HABP4: variants seen among roughly 807,000 people sequenced by gnomAD.
The protein encoded by HABP4 is intracellular hyaluronan-binding protein 4.
Under a neutral mutation model 44.1 loss-of-function variants are expected in HABP4, and 32 were observed. The ratio of observed to expected loss-of-function variants is 0.73; its 90% CI spans 0.55 to 0.97. The LOEUF is 0.97. Among genes scored for constraint, HABP4 ranks in the 50% least tolerant of loss-of-function variants. The pLI is 0.00. For missense variants in HABP4, 503 were observed against 561.9 expected (o/e 0.90, Z 1.06); for synonymous variants, 216 against 218.0 (o/e 0.99, Z 0.08).
chr9:96,479,150 G>C (rs1832834016), intron 5 of HABP4, among the ~76,000 whole-genome samples: 2 of 152,294 alleles, frequency 1.3e-5, no homozygotes, highest in African/African-American at 2.4e-5. Context: ...TCGAAGTTAA[G>C]ATATGGGATT....
chr9:96,458,540 A>T lies in HABP4; in HGVS notation c.511A>T (p.Lys171Ter). ...DFTAEKFPDE[K>*]PGDRFDRDRP... is the part of the protein sequence containing the mutation. ...CACAGCTGAGAAGTTTCCAGATGAA[A>T]AGTATGTGCTGCAGTCCTCAGCAGG... The change falls in exon 2 of 8, where the codon AAA (lysine) becomes TAA (stop). Residue 171 changes from lysine to a stop codon, truncating the protein, a stop_gained and splice_region_variant. Transcript: ENST00000375249. LOFTEE classifies it high-confidence loss of function. The T allele has an allele frequency of 6.2e-7, 1 of 1,610,574 alleles. No homozygotes were observed. The highest frequency in any genetic ancestry group is 1.1e-5 in the South Asian group (1 of 90,988).
At position 96,488,181 on chromosome 9, in the gene HABP4, C is replaced by T. The variant is rs7030316; in HGVS notation, c.1092C>T (p.Leu364=). 0.18 allele frequency: 297,230 copies of T among 1,612,868 alleles called. 30,807 individuals are homozygous for T. Among genetic ancestry groups the T allele is most frequent in the African/African-American group, 0.41 (30,872 of 74,904 alleles). ...TSQLEINFGN[L]PRPGRGARGG... ...AGCTGGAGATTAATTTTGGTAACCT[C>T]CCTCGTCCTGGGCGTGGAGCCAGAG... Residue 364 remains leucine, a synonymous_variant, in exon 7 of 8, where the codon CTC becomes CTT. Transcript: ENST00000375249. The surrounding 1 kb of genome is among the most constrained non-coding windows in gnomAD (Gnocchi z 4.6).
intron 6 of HABP4, among the ~76,000 whole-genome samples, chr9:96,486,813 G>C (rs1832983679): frequency 6.6e-6 from 1 of 151,912 alleles, no homozygotes; most frequent in Admixed American, 6.6e-5. Flanking sequence ...AAAGCACTTG[G>C]GCCAGGGCCA....
Position 96,490,217 on chromosome 9 carries a change from A to G in HABP4, c.*179A>G, listed in dbSNP as rs375851121. 2.7e-5 allele frequency: 16 copies of G among 594,412 alleles called. No individual in the cohort carries two copies. Among genetic ancestry groups the G allele is most frequent in the African/African-American group, 2.0e-4 (11 of 53,740 alleles). The allele number at this position is 594,412 out of a possible 1,614,324, so 36.8% of individuals were successfully genotyped here. A position where few individuals can be genotyped will look rare whatever the true frequency, so the allele number is the denominator to read the frequency against. The stretch of plus-strand genomic sequence containing the variant: ...GGGGCTTCTCCAGAGGCTCGAGAGC[A>G]GGCCATTTCCCAAGAAGATGAAGAA... On this transcript the variant is annotated 3_prime_UTR_variant, in exon 8 of 8. Transcript: ENST00000375249.
Position 96,490,455 on chromosome 9 carries a change from G to C in HABP4, c.*417G>C, listed in dbSNP as rs16910905. On this transcript the variant is annotated 3_prime_UTR_variant, in exon 8 of 8. Coordinates refer to ENST00000375249, the MANE Select transcript of HABP4 (RefSeq NM_014282.4). ...GAGCTGGAACTGTTAATGGAAAGCA[G>C]TCACAGCTGAGTTTTCGGAGACCAA... 2.7e-3 allele frequency: 429 copies of C among 160,298 alleles called. No homozygotes were observed. Among genetic ancestry groups the C allele is most frequent in the Non-Finnish European group, 4.2e-3 (313 of 73,648 alleles). 9.9% of individuals were successfully genotyped at this position (160,298 alleles called of 1,614,324 possible).
At chr9:96,468,142 G>A (rs1260241422) in intron 4 of HABP4, among the ~76,000 whole-genome samples, 2 of 151,976 alleles carry the variant, frequency 1.3e-5, no homozygotes, top group Non-Finnish European at 2.9e-5. Context: ...GAGTATGGTG[G>A]CTCAATCTTG....
chr9:96,471,173 T>C (rs1237977194), intron 5 of HABP4, 79 bp downstream of exon 5: 47 of 816,148 alleles, frequency 5.8e-5, no homozygotes, highest in Non-Finnish European at 9.7e-5. Flanking sequence ...AGATGGAACT[T>C]GCTTTGTCAC....
intron 1 of HABP4, among the ~76,000 whole-genome samples, chr9:96,455,473 A>G (rs565074397): frequency 0.023 from 3,420 of 150,144 alleles, 159 homozygotes; most frequent in African/African-American, 0.081. Flanking sequence ...AAAAAAAAAA[A>G]AAAAAAGTGG....
At chr9:96,463,514 C>T (rs1164439502) in intron 2 of HABP4, among the ~76,000 whole-genome samples, 1 of 152,154 alleles carries the variant, frequency 6.6e-6, no homozygotes, top group Non-Finnish European at 1.5e-5. Context: ...CTCGGCTTCC[C>T]AAAGTGCTGG....
rs188331936 is a variant in HABP4, at chr9:96,468,479, T to C, written c.744-2532T>C. Reference sequence around the variant, plus strand: ...TTTCACCCTGTTAGCCAGGATGGTCTCAATCTCCTGACCTCATGATCCGCT... The same window carrying C: ...TTTCACCCTGTTAGCCAGGATGGTCCCAATCTCCTGACCTCATGATCCGCT... On this transcript the variant is annotated intron_variant, in intron 4 of 7. Transcript: ENST00000375249. 2.0e-5 allele frequency among the ~76,000 whole-genome samples: 3 copies of C among 152,262 alleles called. No individual in the cohort carries two copies. In the East Asian group the frequency reaches 5.8e-4, roughly 29 times the overall value.
At chr9:96,455,175 G>T (rs1310805635) in intron 1 of HABP4, among the ~76,000 whole-genome samples, 1 of 152,122 alleles carries the variant, frequency 6.6e-6, no homozygotes, top group Non-Finnish European at 1.5e-5. Context: ...ACTCTGCTGG[G>T]TGCAGTGGCT....
chr9:96,455,142 T>G (rs1214552789), intron 1 of HABP4, among the ~76,000 whole-genome samples: 2 of 151,886 alleles, frequency 1.3e-5, no homozygotes, highest in East Asian at 3.9e-4. Context: ...ATTATCTTGA[T>G]ATGTCTGCAA....
In HABP4 at chr9:96,458,302, C is replaced by CA; in HGVS notation, c.350-75dup. On this transcript the variant is annotated intron_variant, in intron 1 of 7. Transcript: ENST00000375249. ...TTGATTTCTAGAAAAATGAAATTTA[C>CA]AAGTACCTGTAAAGTTTAATAGTGT... 6 of 1,361,332 alleles carry CA rather than the reference C, an allele frequency of 4.4e-6. No homozygotes were observed. In the South Asian group the frequency reaches 7.1e-5, roughly 16 times the overall value. 84.3% of individuals were successfully genotyped at this position (1,361,332 alleles called of 1,614,324 possible). A position where few individuals can be genotyped will look rare whatever the true frequency, so the allele number is the denominator to read the frequency against.
chr9:96,456,783 ATATATATATATATATATAT>A lies in HABP4; in HGVS notation c.350-1595_350-1577del, dbSNP rs1832398440. The stretch of plus-strand genomic sequence containing the variant: ...TCAAAAAAAAAAAAAAAAAAAAAAT[ATATATATATATATATATAT>A]ATATATATATATATATATATCCATT... On this transcript the variant is annotated intron_variant, in intron 1 of 7. Transcript: ENST00000375249. Among the ~76,000 whole-genome samples the A allele has an allele frequency of 4.3e-4, 18 of 41,852 alleles. 1 individual carries two copies. Among genetic ancestry groups the A allele is most frequent in the Admixed American group, 1.5e-3 (4 of 2,714 alleles). The allele number at this position is 41,852 out of a possible 152,430, so 27.5% of individuals were successfully genotyped here.
At chr9:96,482,102 A>C (rs1832891379) in intron 5 of HABP4, among the ~76,000 whole-genome samples, 1 of 151,602 alleles carries the variant, frequency 6.6e-6, no homozygotes, top group African/African-American at 2.4e-5. Flanking sequence ...CACCCGGCTA[A>C]TTTTTCTGGT....
intron 1 of HABP4, among the ~76,000 whole-genome samples, chr9:96,457,124 G>A (rs762001723): frequency 8.6e-5 from 13 of 151,502 alleles, no homozygotes; most frequent in Non-Finnish European, 1.2e-4. Flanking sequence ...GGCCGGGCAC[G>A]GTGGCTCACG....
chr9:96,464,489 G>C (rs2131129435), intron 2 of HABP4, among the ~76,000 whole-genome samples: 1 of 152,354 alleles, frequency 6.6e-6, no homozygotes, highest in South Asian at 2.1e-4. Context: ...AGGCACGAGA[G>C]GCAGACGGAG....
chr9:96,465,127 G>A (rs1450226132), intron 2 of HABP4, among the ~76,000 whole-genome samples: 1 of 152,160 alleles, frequency 6.6e-6, no homozygotes, highest in Non-Finnish European at 1.5e-5. Context: ...AGATTTGTTT[G>A]TGAGAATCCA....
intron 4 of HABP4, among the ~76,000 whole-genome samples, chr9:96,470,566 A>G (rs1832675537): frequency 6.6e-6 from 1 of 152,100 alleles, no homozygotes; most frequent in African/African-American, 2.4e-5. Flanking sequence ...CTTTTCTGTT[A>G]TTGTAGTTCA....
Sources: gnomAD v4.1 joint callset for allele counts (sites outside exome capture counted in the v4.1 genomes callset) on GRCh38, gnomAD v4.1.1 for gene constraint, Gnocchi (gnomAD v3.1) non-coding constraint, MANE v1.5 for transcripts, NCBI Gene and HGNC (gene_info 2026-07-23, HGNC 2026-07-21) for gene names.